The following PAGE5 variants were observed in gnomAD, a reference collection of about 807,000 sequenced individuals.
PAGE5 encodes P antigen family member 5.
A neutral mutation model predicts 8.1 loss-of-function variants in PAGE5; 8 were observed. That is an observed-to-expected ratio of 0.98 (90% confidence interval 0.58 to 1.77). The LOEUF (loss-of-function observed/expected upper bound fraction) is 1.77, where lower values mean the gene tolerates loss of function less well. Ranked by LOEUF, PAGE5 falls within the 40% of genes most tolerant of loss-of-function variation. The pLI is 0.00. For synonymous variants in PAGE5, 30 were observed against 27.0 expected (o/e 1.11, Z -0.35); for missense variants, 64 against 77.6 (o/e 0.82, Z 0.66).
At chrX:55,220,524 A>C in intron 1 of PAGE5, 72 bp downstream of exon 1, 1 of 1,044,313 alleles carries the variant, frequency 9.6e-7, no homozygotes, top group Non-Finnish European at 1.3e-6. Context: ...CGGGCTTAGG[A>C]CAGGTCCCGT....
rs973410659 is a variant in PAGE5, at chrX:55,222,621, G to A, written c.191G>A (p.Gly64Glu). 1 of 1,202,813 alleles carries A rather than the reference G, an allele frequency of 8.3e-7. No individual in the cohort carries two copies. Among genetic ancestry groups the A allele is most frequent in the Non-Finnish European group, 1.1e-6 (1 of 888,996 alleles). The change falls in exon 4 of 5, where the codon GGG becomes GAG. Residue 64 changes from glycine (G) to glutamate (E), a missense_variant and splice_region_variant. Coordinates refer to ENST00000374955, the MANE Select transcript of PAGE5 (RefSeq NM_001013435.3). ...AAATTGACGACTTTTTATCTTTAAG[G>A]GACTGATGTGGAAGCTTTTCAACAG... is the stretch of plus-strand genomic sequence containing the variant. Reference protein sequence around the residue: ...IKNEGAPAVQGTDVEAFQQEL... With the variant: ...IKNEGAPAVQETDVEAFQQEL...
At position 55,221,803 on chromosome X, in the gene PAGE5, G is replaced by A. The variant is rs1199659556; in HGVS notation, c.118G>A (p.Glu40Lys). 11 of 1,208,261 alleles carry A rather than the reference G, an allele frequency of 9.1e-6. No homozygotes were observed. Among genetic ancestry groups the A allele is most frequent in the Admixed American group, 4.4e-5 (2 of 45,475 alleles). ...QPTEEKRQEE[E>K]PPTDNQGIAP... Reference sequence around the variant, plus strand: ...CACTGAGGAAAAACGTCAAGAAGAGGAACCACCAACTGATAATCAGGGTAT... The same window carrying A: ...CACTGAGGAAAAACGTCAAGAAGAGAAACCACCAACTGATAATCAGGGTAT... Residue 40 changes from glutamate to lysine, a missense_variant, in exon 3 of 5, where the codon GAA (glutamate) becomes AAA (lysine). Physicochemically the swap from Glu to Lys is moderately conservative, Grantham distance 56. Transcript: ENST00000374955.
intron 4 of PAGE5, among the ~76,000 whole-genome samples, 169 bp from the exon 5 acceptor site, chrX:55,223,818 G>A (rs905824918): frequency 9.0e-6 from 1 of 111,509 alleles, no homozygotes; most frequent in African/African-American, 3.3e-5. Flanking sequence ...TTGTTAATAT[G>A]CCTGGAAGTC....
intron 3 of PAGE5, among the ~76,000 whole-genome samples, 182 bp from the exon 4 acceptor site, chrX:55,222,439 G>A (rs1014079644): frequency 1.8e-5 from 2 of 111,929 alleles, no homozygotes; most frequent in African/African-American, 6.5e-5. Context: ...AGTTGTCTAG[G>A]GCCAGCCTTG....
chrX:55,220,862 G>A (rs1266670494), intron 1 of PAGE5, among the ~76,000 whole-genome samples: 1 of 111,204 alleles, frequency 9.0e-6, no homozygotes, highest in East Asian at 2.8e-4. Flanking sequence ...ACGGCCCCGA[G>A]GTCTGTAGAG....
At chrX:55,223,007 A>G (rs1430389637) in intron 4 of PAGE5, among the ~76,000 whole-genome samples, 1 of 111,692 alleles carries the variant, frequency 9.0e-6, no homozygotes, top group Non-Finnish European at 1.9e-5. Context: ...CAAGAGATAG[A>G]ATAAATTGGG....
At position 55,220,449 on chromosome X, in the gene PAGE5, G is replaced by GA. The variant is rs1937874723; in HGVS notation, c.-12_-11insA. 1.9e-6 allele frequency: 1 copy of GA among 528,937 alleles called. No homozygotes were observed. The highest frequency in any genetic ancestry group is 2.3e-5 in the African/African-American group (1 of 43,530). The allele number at this position is 528,937 out of a possible 1,213,427, so 43.6% of individuals were successfully genotyped here. A position where few individuals can be genotyped will look rare whatever the true frequency, so the allele number is the denominator to read the frequency against. On this transcript the variant is annotated 5_prime_UTR_variant, in exon 1 of 5. Transcript: ENST00000374955. The stretch of plus-strand genomic sequence containing the variant: ...GTTCTTTCTCACTGACCGAGACTCA[G>GA]CCGGTAGGTCTGCAGAGTGGTCTTC...
chrX:55,221,798 A>G lies in PAGE5; in HGVS notation c.113A>G (p.Glu38Gly). ...VQQPTEEKRQ[E>G]EEPPTDNQGI... is the part of the protein sequence containing the mutation. ...CAGCCCACTGAGGAAAAACGTCAAG[A>G]AGAGGAACCACCAACTGATAATCAG... The change falls in exon 3 of 5, where the codon GAA becomes GGA. Residue 38 changes from glutamate to glycine, a missense_variant. Transcript: ENST00000374955. 26 of 1,210,524 alleles carry G rather than the reference A, an allele frequency of 2.1e-5. No individual in the cohort carries two copies. The highest frequency in any genetic ancestry group is 2.7e-5 in the Non-Finnish European group (24 of 894,953).
intron 4 of PAGE5, among the ~76,000 whole-genome samples, chrX:55,223,477 A>G (rs1221730357): frequency 8.9e-6 from 1 of 111,964 alleles, no homozygotes; most frequent in Non-Finnish European, 1.9e-5. Flanking sequence ...ACTTAAAGCA[A>G]CTACATAATG....
chrX:55,220,665 G>C (rs1023802782), intron 1 of PAGE5: 3 of 1,193,878 alleles, frequency 2.5e-6, no homozygotes, highest in Non-Finnish European at 2.3e-6. Context: ...GGCCGTGGAG[G>C]GGGTAGATCG....
rs757099435 is a variant in PAGE5, at chrX:55,220,394, TCCG to T, written c.-64_-62del. ...AAGGAGAGGTTGTGTCTTCGTTCTT[TCCG>T]CCATCTTCGTTCTTTCCAACATCTT... is the stretch of plus-strand genomic sequence containing the variant. On this transcript the variant is annotated 5_prime_UTR_variant, in exon 1 of 5. Coordinates refer to ENST00000374955, the MANE Select transcript of PAGE5 (RefSeq NM_001013435.3). The T allele has an allele frequency of 8.1e-3, 3,523 of 434,153 alleles. 25 individuals are homozygous for T. Among genetic ancestry groups the T allele is most frequent in the Non-Finnish European group, 0.012 (2,975 of 243,096 alleles). 35.8% of individuals were successfully genotyped at this position (434,153 alleles called of 1,213,427 possible).
In PAGE5 at chrX:55,222,667, A is replaced by G; in HGVS notation, c.237A>G (p.Ile79Met). 1 of 1,208,662 alleles carries G rather than the reference A, an allele frequency of 8.3e-7. No individual in the cohort carries two copies. The highest frequency in any genetic ancestry group is 1.1e-6 in the Non-Finnish European group (1 of 892,451). ...AFQQELALLK[I>M]EDAPGDGPDV... ...AACAGGAACTGGCTCTGCTTAAGATAGAGGATGCACCTGGAGATGGTCCTG... is the reference window on the plus strand; with the variant it reads ...AACAGGAACTGGCTCTGCTTAAGATGGAGGATGCACCTGGAGATGGTCCTG... The change falls in exon 4 of 5, where the codon ATA becomes ATG. Residue 79 changes from isoleucine (I) to methionine (M), a missense_variant. Ile to Met is a conservative substitution (Grantham distance 10). Coordinates refer to ENST00000374955, the MANE Select transcript of PAGE5 (RefSeq NM_001013435.3).
chrX:55,221,916 G>A (rs1184765335), intron 3 of PAGE5, 41 bp downstream of exon 3: 2 of 1,119,452 alleles, frequency 1.8e-6, no homozygotes, highest in Non-Finnish European at 2.4e-6. Context: ...GGTGGTGGAG[G>A]TCTATTTATG....
chrX:55,222,793 A>T, intron 4 of PAGE5, 47 bp downstream of exon 4: 6 of 1,163,888 alleles, frequency 5.2e-6, no homozygotes, highest in Non-Finnish European at 7.0e-6. Flanking sequence ...TATTTTCACA[A>T]TATTGTATTT....
At chrX:55,220,860 G>A (rs1210243254) in intron 1 of PAGE5, among the ~76,000 whole-genome samples, 3 of 111,236 alleles carry the variant, frequency 2.7e-5, no homozygotes, top group South Asian at 3.8e-4. Context: ...CTACGGCCCC[G>A]AGGTCTGTAG....
intron 2 of PAGE5, 136 bp downstream of exon 2, chrX:55,221,599 G>A (rs1410814824): frequency 3.3e-6 from 3 of 914,347 alleles, no homozygotes. Context: ...AGGCAACTTT[G>A]GTTCAGGAAT....
Position 55,223,933 on chromosome X carries a change from A to G in PAGE5, c.317-54A>G, listed in dbSNP as rs1602335736. On this transcript the variant is annotated intron_variant, in intron 4 of 4. Coordinates refer to ENST00000374955, the MANE Select transcript of PAGE5 (RefSeq NM_001013435.3). ...ACTGTAGTTGTATACTTCTAGTGTCATCTAAATAGAAATCTGCTGAATAAC... is the reference window on the plus strand; with the variant it reads ...ACTGTAGTTGTATACTTCTAGTGTCGTCTAAATAGAAATCTGCTGAATAAC... 12 of 1,004,095 alleles carry G rather than the reference A, an allele frequency of 1.2e-5. No individual in the cohort carries two copies. The East Asian group carries it at 3.8e-4, about 32-fold the overall frequency. 82.7% of individuals were successfully genotyped at this position (1,004,095 alleles called of 1,213,427 possible).
rs2146550503 is a variant in PAGE5, at chrX:55,220,363, C to G, written c.-98C>G. ...CTGCCCACCTTCTGTCTAGGCAGAG[C>G]TCTGCAAGGAGAGGTTGTGTCTTCG... is the stretch of plus-strand genomic sequence containing the variant. On this transcript the variant is annotated 5_prime_UTR_variant, in exon 1 of 5. Coordinates refer to ENST00000374955, the MANE Select transcript of PAGE5 (RefSeq NM_001013435.3). 2 of 399,998 alleles carry G rather than the reference C, an allele frequency of 5.0e-6. No individual in the cohort carries two copies. Among genetic ancestry groups the G allele is most frequent in the East Asian group, 8.8e-5 (2 of 22,759 alleles). 33.0% of individuals were successfully genotyped at this position (399,998 alleles called of 1,213,427 possible). A position where few individuals can be genotyped will look rare whatever the true frequency, so the allele number is the denominator to read the frequency against.
intron 2 of PAGE5, 46 bp downstream of exon 2, chrX:55,221,509 T>A (rs1230069924): frequency 8.7e-7 from 1 of 1,150,876 alleles, no homozygotes. Flanking sequence ...CATTTTATTT[T>A]AAAAAATATT....
Sources: allele counts gnomAD v4.1 joint callset (sites outside exome capture counted in the v4.1 genomes callset), GRCh38; gene constraint gnomAD v4.1.1; transcripts MANE v1.5; gene names NCBI Gene and HGNC (gene_info 2026-07-23, HGNC 2026-07-21).